Variants in SMG1 observed in about 807,000 individuals in gnomAD.
The protein encoded by SMG1 is serine/threonine-protein kinase SMG1.
SMG1 carries 22 observed loss-of-function variants against 419.9 expected under a neutral mutation model. The observed-to-expected ratio is 0.05, with a 90% confidence interval of 0.04 to 0.07. The LOEUF (loss-of-function observed/expected upper bound fraction) is 0.07, where lower values mean the gene tolerates loss of function less well. Ranked by LOEUF, SMG1 falls within the 10% of genes least tolerant of loss-of-function variation. The pLI, the probability that SMG1 is intolerant of heterozygous loss-of-function variation, is 1.00. For synonymous variants in SMG1, 1,538 were observed against 1,553.5 expected, an observed-to-expected ratio of 0.99 and a Z score of 0.23; for missense variants, 3,185 against 4,342.0, an observed-to-expected ratio of 0.73 and a Z score of 7.49.
intron 25 of SMG1, among the ~76,000 whole-genome samples, chr16:18,862,413 A>G (rs1272606284): frequency 6.6e-6 from 1 of 152,226 alleles, no homozygotes; most frequent in Non-Finnish European, 1.5e-5. Context: ...TAGAGACTGA[A>G]AAGGAAAGAG....
Position 18,808,807 on chromosome 16 carries a change from C to G in SMG1, c.*762G>C, listed in dbSNP as rs747982795. The G allele has an allele frequency of 6.6e-6, 1 of 152,488 alleles. No homozygotes were observed. The highest frequency in any genetic ancestry group is 1.5e-5 in the Non-Finnish European group (1 of 68,026). 9.4% of individuals were successfully genotyped at this position (152,488 alleles called of 1,614,324 possible). ...TTTCCATGTTATCAGAAGTTGTTAA[C>G]AGCATCGAGACGGAAGTATATGAAA... On this transcript the variant is annotated 3_prime_UTR_variant, in exon 63 of 63. Transcript: ENST00000446231.
At chr16:18,872,808 AAT>A (rs1238294773) in intron 13 of SMG1, among the ~76,000 whole-genome samples, 184 bp from the exon 14 acceptor site, 1 of 152,218 alleles carries the variant, frequency 6.6e-6, no homozygotes, top group African/African-American at 2.4e-5. Flanking sequence ...CTTTGCGTGC[AAT>A]ATACCATCTC....
At position 18,869,313 on chromosome 16, in the gene SMG1, G is replaced by A; in HGVS notation, c.2634-10C>T. Reference sequence around the variant, plus strand: ...CAACCAATTGTCCTTCCTGGGAAAAGCAGTTTCATATTTAAAAGACAATGA... The same window carrying A: ...CAACCAATTGTCCTTCCTGGGAAAAACAGTTTCATATTTAAAAGACAATGA... On this transcript the variant is annotated splice_polypyrimidine_tract_variant and intron_variant, in intron 19 of 62. Coordinates refer to ENST00000446231, the MANE Select transcript of SMG1 (RefSeq NM_015092.5). 1 of 1,603,076 alleles carries A rather than the reference G, an allele frequency of 6.2e-7. No individual in the cohort carries two copies. The highest frequency in any genetic ancestry group is 8.5e-7 in the Non-Finnish European group (1 of 1,174,572).
intron 21 of SMG1, 84 bp downstream of exon 21, chr16:18,868,439 G>A (rs2035637328): frequency 6.7e-7 from 1 of 1,484,704 alleles, no homozygotes. Flanking sequence ...AAATACACAA[G>A]TCTACTGTGA....
In SMG1 at chr16:18,887,519, T is replaced by TG. The variant is rs952532719; in HGVS notation, c.822+1852_822+1853insC. 2.1e-3 allele frequency among the ~76,000 whole-genome samples: 264 copies of TG among 128,348 alleles called. 4 individuals are homozygous for TG. Among genetic ancestry groups the TG allele is most frequent in the African/African-American group, 5.5e-3 (189 of 34,612 alleles). The allele number at this position is 128,348 out of a possible 152,430, so 84.2% of individuals were successfully genotyped here. A position where few individuals can be genotyped will look rare whatever the true frequency, so the allele number is the denominator to read the frequency against. On this transcript the variant is annotated intron_variant, in intron 6 of 62. Transcript: ENST00000446231. ...ACGCCCGACTTATTTTTTTTTCCTT[T>TG]TTTTTTTTTTTTTTAATAGAAACAG...
At chr16:18,894,098 A>AG (rs2037009078) in intron 3 of SMG1, among the ~76,000 whole-genome samples, 1 of 148,670 alleles carries the variant, frequency 6.7e-6, no homozygotes, top group African/African-American at 2.5e-5. Context: ...AATAAATACA[A>AG]GGGGAACAAC....
At chr16:18,877,381 AACG>A in intron 11 of SMG1, 149 bp from the exon 12 acceptor site, 1 of 513,962 alleles carries the variant, frequency 1.9e-6, no homozygotes. Context: ...GAAAAGGCAA[AACG>A]ACGGAGACAG....
intron 1 of SMG1, among the ~76,000 whole-genome samples, chr16:18,923,697 GTACATAAGAGGCAAAAAAAAAT>G (rs2038283872): frequency 6.7e-6 from 1 of 148,430 alleles, no homozygotes; most frequent in Admixed American, 6.8e-5. Flanking sequence ...GGACAAAATG[GTACATAAGAGGCAAAAAAAAAT>G]TAATCAAAAT....
At chr16:18,866,290 G>A (rs2035500339) in intron 23 of SMG1, 9 of 360,916 alleles carry the variant, frequency 2.5e-5, no homozygotes, top group South Asian at 2.0e-4. Context: ...GGACTAATGA[G>A]CAAATACTCT....
At chr16:18,895,304 C>T (rs1320416201) in intron 3 of SMG1, among the ~76,000 whole-genome samples, 1 of 151,924 alleles carries the variant, frequency 6.6e-6, no homozygotes, top group African/African-American at 2.4e-5. Flanking sequence ...CATGGTGAAA[C>T]CCTGTCTCCA....
chr16:18,839,793 A>G lies in SMG1; in HGVS notation c.6850T>C (p.Leu2284=), dbSNP rs1466912116. The G allele has an allele frequency of 6.2e-6, 10 of 1,613,798 alleles. No individual in the cohort carries two copies. The Admixed American group carries it at 1.7e-4, about 27-fold the overall frequency. The part of the protein sequence containing the change: ...DWPLHVMKAV[L]EELMEATPPN... ...GGTGTGGCCTCCATTAACTCTTCCA[A>G]TACTGCCTTCATTACATGAAGAGGC... is the stretch of plus-strand genomic sequence containing the variant. Residue 2284 remains leucine, a synonymous_variant, in exon 42 of 63, where the codon TTG becomes CTG. Transcript: ENST00000446231.
rs763334334 is a variant in SMG1, at chr16:18,854,951, G to GACT, written c.4235-50_4235-48dup. 7.7e-6 allele frequency: 12 copies of GACT among 1,562,532 alleles called. No individual in the cohort carries two copies. In the Admixed American group the frequency reaches 1.3e-4, roughly 17 times the overall value. ...ATTAGTTCCTAATTTGTCTAAACCA[G>GACT]ACTGCATGGAAACATGGCCAAAAAA... On this transcript the variant is annotated intron_variant, in intron 29 of 62. Coordinates refer to ENST00000446231, the MANE Select transcript of SMG1 (RefSeq NM_015092.5).
chr16:18,884,319 T>C (rs182893149), intron 8 of SMG1, among the ~76,000 whole-genome samples, 152 bp from the exon 9 acceptor site: 1,744 of 152,340 alleles, frequency 0.011, 36 homozygotes, highest in African/African-American at 0.04. Context: ...ATTAAGACTG[T>C]TAAACATGCT....
At chr16:18,906,238 C>CT in intron 1 of SMG1, among the ~76,000 whole-genome samples, 1 of 152,228 alleles carries the variant, frequency 6.6e-6, no homozygotes, top group South Asian at 2.1e-4. Flanking sequence ...AATCCCTGCA[C>CT]TTTAGGAGGC....
intron 60 of SMG1, among the ~76,000 whole-genome samples, chr16:18,814,229 T>G (rs1417325403): frequency 6.6e-6 from 1 of 152,070 alleles, no homozygotes; most frequent in African/African-American, 2.4e-5. Context: ...TGTGTACATA[T>G]GCACAGCAAG....
chr16:18,836,677 T>G (rs2033595465), intron 46 of SMG1, 145 bp from the exon 47 acceptor site: 1 of 795,522 alleles, frequency 1.3e-6, no homozygotes, highest in African/African-American at 1.7e-5. Context: ...CCCTTACTTC[T>G]CTGTTTTTCC....
chr16:18,924,644 G>C (rs1023910814), intron 1 of SMG1, among the ~76,000 whole-genome samples: 5 of 152,028 alleles, frequency 3.3e-5, no homozygotes, highest in Admixed American at 3.3e-4. Flanking sequence ...ACAAGTCAAC[G>C]CTGTTTATCG....
At chr16:18,903,655 T>G (rs2037437471) in intron 1 of SMG1, among the ~76,000 whole-genome samples, 1 of 152,196 alleles carries the variant, frequency 6.6e-6, no homozygotes, top group Non-Finnish European at 1.5e-5. Flanking sequence ...CACAATCCTA[T>G]TAGTTATAAC....
rs1404369176 is a variant in SMG1, at chr16:18,828,107, C to T, written c.9665G>A (p.Arg3222Gln). Reference protein sequence around the residue: ...PQAMSVTPPPRSAILTSMKKK... With the variant: ...PQAMSVTPPPQSAILTSMKKK... ...TTTCATGCTGGTTAGGATAGCAGAC[C>T]GTGGGGGAGGTGTGACTGACATGGC... Residue 3222 changes from arginine (R) to glutamine (Q), a missense_variant, in exon 55 of 63, where the codon CGG (arginine) becomes CAG (glutamine). Arg to Gln is a conservative substitution (Grantham distance 43, BLOSUM62 1). Around this residue, in one of 27 missense-constraint regions of SMG1, gnomAD observed 737 missense variants for 846.6 expected, o/e 0.87. Coordinates refer to ENST00000446231, the MANE Select transcript of SMG1 (RefSeq NM_015092.5). The T allele has an allele frequency of 3.1e-6, 5 of 1,613,340 alleles. No individual in the cohort carries two copies. The highest frequency in any genetic ancestry group is 1.3e-5 in the African/African-American group (1 of 74,818).
Sources: allele counts gnomAD v4.1 joint callset (sites outside exome capture counted in the v4.1 genomes callset), GRCh38; gene constraint gnomAD v4.1.1; regional missense constraint gnomAD v4.1.1; transcripts MANE v1.5; gene names NCBI Gene and HGNC (gene_info 2026-07-23, HGNC 2026-07-21).